The following LPP variants were observed in gnomAD, a reference collection of about 807,000 sequenced individuals.
The protein encoded by LPP is lipoma-preferred partner.
LPP carries 38 observed loss-of-function variants against 60.4 expected under a neutral mutation model. The observed-to-expected ratio is 0.63, with a 90% CI of 0.49 to 0.83. The LOEUF is 0.83. Among genes scored for constraint, LPP ranks in the 40% least tolerant of loss-of-function variants. LPP has a pLI of 0.00. For missense variants in LPP, 902 were observed against 783.6 expected, an observed-to-expected ratio of 1.15 and a Z score of -1.80; for synonymous variants, 328 against 290.8, an observed-to-expected ratio of 1.13 and a Z score of -1.30.
At chr3:188,632,634 C>G (rs1580543585) in intron 7 of LPP, among the ~76,000 whole-genome samples, 1 of 152,218 alleles carries the variant, frequency 6.6e-6, no homozygotes, top group African/African-American at 2.4e-5. Context: ...TCTGGAACCC[C>G]TTAAGCTGTT....
intron 9 of LPP, among the ~76,000 whole-genome samples, chr3:188,816,523 T>C (rs1752552607): frequency 6.6e-6 from 1 of 152,142 alleles, no homozygotes; most frequent in Non-Finnish European, 1.5e-5. Context: ...TCTCATCTTC[T>C]GGGAGGTTTT....
chr3:188,413,065 A>G (rs2148943833), intron 4 of LPP, among the ~76,000 whole-genome samples: 1 of 152,256 alleles, frequency 6.6e-6, no homozygotes, highest in South Asian at 2.1e-4. Context: ...TGCTTGGTGG[A>G]GAATTAGCCA....
At chr3:188,431,121 T>G (rs557959485) in intron 4 of LPP, among the ~76,000 whole-genome samples, 17 of 152,272 alleles carry the variant, frequency 1.1e-4, no homozygotes, top group Admixed American at 8.5e-4. Context: ...GTGAAATGGT[T>G]GTCATCTGGA....
intron 9 of LPP, among the ~76,000 whole-genome samples, chr3:188,810,300 G>A (rs1176663784): frequency 2.0e-5 from 3 of 152,022 alleles, no homozygotes; most frequent in African/African-American, 7.2e-5. Flanking sequence ...TCTCCTCAGA[G>A]GCATCTATCT....
chr3:188,838,868 G>A (rs1032074405), intron 9 of LPP, among the ~76,000 whole-genome samples: 5 of 152,058 alleles, frequency 3.3e-5, no homozygotes, highest in African/African-American at 9.7e-5. Flanking sequence ...CGTGGGGGTC[G>A]GGTGCAAGGA....
intron 2 of LPP, among the ~76,000 whole-genome samples, chr3:188,323,235 A>G (rs539204860): frequency 2.0e-5 from 3 of 152,216 alleles, no homozygotes; most frequent in East Asian, 1.9e-4. Flanking sequence ...CTTTCTGAAG[A>G]CAGTCCCCTT....
intron 6 of LPP, among the ~76,000 whole-genome samples, chr3:188,527,832 T>G: frequency 6.6e-6 from 1 of 150,888 alleles, no homozygotes; most frequent in Non-Finnish European, 1.5e-5. Context: ...CACTGCAACC[T>G]CCGCCTCCTG....
At chr3:188,327,650 T>C (rs1758822596) in intron 2 of LPP, among the ~76,000 whole-genome samples, 1 of 152,166 alleles carries the variant, frequency 6.6e-6, no homozygotes, top group Non-Finnish European at 1.5e-5. Context: ...GGTGACATCA[T>C]ACAGATGTTT....
intron 4 of LPP, among the ~76,000 whole-genome samples, chr3:188,434,228 G>A (rs1578863490): frequency 6.6e-6 from 1 of 152,070 alleles, no homozygotes; most frequent in African/African-American, 2.4e-5. Flanking sequence ...ATAGTACATT[G>A]ACAAGAGCGT....
chr3:188,367,703 A>G (rs1416628105), intron 3 of LPP, among the ~76,000 whole-genome samples: 1 of 152,194 alleles, frequency 6.6e-6, no homozygotes, highest in Non-Finnish European at 1.5e-5. Flanking sequence ...AAATGGTCAA[A>G]TCACTGTGGG....
intron 8 of LPP, among the ~76,000 whole-genome samples, chr3:188,745,194 T>A (rs749636029): frequency 2.0e-5 from 3 of 152,210 alleles, no homozygotes; most frequent in Non-Finnish European, 4.4e-5. Context: ...ATGGTAATTA[T>A]AGATGTCCAT....
At chr3:188,161,417 T>G (rs935960399) in intron 1 of LPP, among the ~76,000 whole-genome samples, 1 of 152,176 alleles carries the variant, frequency 6.6e-6, no homozygotes. Context: ...CTTTTGTCCT[T>G]CTAATTGTTT....
intron 7 of LPP, among the ~76,000 whole-genome samples, chr3:188,658,516 C>T (rs35277053): frequency 0.018 from 2,804 of 152,320 alleles, 38 homozygotes; most frequent in Middle Eastern, 0.041. Flanking sequence ...CCTCTCTCCA[C>T]TCTCTCAATC....
chr3:188,179,103 AGAG>A (rs1724065752), intron 1 of LPP: 1 of 349,474 alleles, frequency 2.9e-6, no homozygotes, highest in African/African-American at 2.2e-5. Flanking sequence ...ACAGAGAGAG[AGAG>A]AGAGAGAGAG....
chr3:188,266,248 A>C (rs984664813), intron 2 of LPP, among the ~76,000 whole-genome samples: 4 of 152,190 alleles, frequency 2.6e-5, no homozygotes, highest in Non-Finnish European at 4.4e-5. Flanking sequence ...CAAGCACATT[A>C]GTCACATATC....
chr3:188,821,662 G>T (rs1753999644), intron 9 of LPP, among the ~76,000 whole-genome samples: 3 of 151,754 alleles, frequency 2.0e-5, no homozygotes, highest in Admixed American at 1.3e-4. Context: ...ACATATTTAT[G>T]CTTATATATA....
intron 9 of LPP, among the ~76,000 whole-genome samples, chr3:188,787,658 G>T (rs1459909539): frequency 6.6e-6 from 1 of 152,078 alleles, no homozygotes; most frequent in Non-Finnish European, 1.5e-5. Context: ...GACTTCTATA[G>T]CACCGTACAC....
Position 188,170,333 on chromosome 3 carries a change from T to C in LPP, c.-190+16081T>C, listed in dbSNP as rs886856146. Among the ~76,000 whole-genome samples the C allele has an allele frequency of 2.0e-4, 28 of 140,942 alleles. 1 individual carries two copies. The highest frequency in any genetic ancestry group is 3.3e-4 in the Non-Finnish European group (21 of 62,866). The allele number at this position is 140,942 out of a possible 152,430, so 92.5% of individuals were successfully genotyped here. On this transcript the variant is annotated intron_variant, in intron 1 of 11. Coordinates refer to ENST00000617246, the MANE Select transcript of LPP (RefSeq NM_001375462.1). ...CAGTTTCTTTTCTTTTCTTTTCTTT[T>C]TTTTTTTTTTTTTTTGAGAGGGAGT...
At chr3:188,820,896 A>G (rs1402981238) in intron 9 of LPP, among the ~76,000 whole-genome samples, 1 of 152,118 alleles carries the variant, frequency 6.6e-6, no homozygotes, top group Non-Finnish European at 1.5e-5. Context: ...ATGTCTCTGT[A>G]TTATCTATGA....
Sources: gnomAD v4.1 joint callset for allele counts (sites outside exome capture counted in the v4.1 genomes callset) on GRCh38, gnomAD v4.1.1 for gene constraint, MANE v1.5 for transcripts, NCBI Gene and HGNC (gene_info 2026-07-23, HGNC 2026-07-21) for gene names.